GLT8D2: variants seen among roughly 807,000 people sequenced by gnomAD.
GLT8D2 encodes glycosyltransferase 8 domain-containing protein 2.
A neutral mutation model predicts 44.5 loss-of-function variants in GLT8D2; 45 were observed. That is an observed-to-expected ratio of 1.01 (90% CI 0.80 to 1.30). GLT8D2 has a LOEUF of 1.30. Among genes scored for constraint, GLT8D2 ranks in the 50% most tolerant of loss-of-function variants. The pLI is 0.00. For synonymous variants in GLT8D2, 156 were observed against 157.2 expected (o/e 0.99, Z 0.06); for missense variants, 400 against 430.4 (o/e 0.93, Z 0.62).
chr12:104,040,426 A>C (rs567871458), intron 1 of GLT8D2, among the ~76,000 whole-genome samples: 1 of 152,140 alleles, frequency 6.6e-6, no homozygotes, highest in Non-Finnish European at 1.5e-5. Flanking sequence ...ATTGAAAAAA[A>C]AATGTTTTTT....
rs1873918327 is a variant in GLT8D2 at position 103,999,460 on chromosome 12, G to A, written c.339C>T (p.Phe113=). 1 of 1,613,306 alleles carries A rather than the reference G, an allele frequency of 6.2e-7. No individual in the cohort carries two copies. Among genetic ancestry groups the A allele is most frequent in the Non-Finnish European group, 8.5e-7 (1 of 1,179,518 alleles). ...TCTTCCCTTTGAGGACCATCGGGTT[G>A]AATTCCACGATTTTAAAGTTTATTT... The part of the protein sequence containing the change: ...LREINFKIVE[F]NPMVLKGKIR... Residue 113 remains phenylalanine, a synonymous_variant, in exon 6 of 11, where the codon TTC becomes TTT. Coordinates refer to ENST00000360814, the MANE Select transcript of GLT8D2 (RefSeq NM_001384711.1).
At chr12:104,035,923 G>A (rs1879877705) in intron 1 of GLT8D2, among the ~76,000 whole-genome samples, 1 of 152,140 alleles carries the variant, frequency 6.6e-6, no homozygotes, top group Non-Finnish European at 1.5e-5. Flanking sequence ...CACAAAGAAA[G>A]GTCAGGTTAC....
At chr12:104,005,449 T>C (rs1874857865) in intron 4 of GLT8D2, among the ~76,000 whole-genome samples, 1 of 152,094 alleles carries the variant, frequency 6.6e-6, no homozygotes, top group Admixed American at 6.5e-5. Flanking sequence ...ACAGGCAACC[T>C]ACAGAATGGG....
intron 1 of GLT8D2, among the ~76,000 whole-genome samples, chr12:104,043,391 A>G (rs1393998878): frequency 6.6e-6 from 1 of 152,020 alleles, no homozygotes; most frequent in East Asian, 1.9e-4. Context: ...CGTGTCCAAA[A>G]CTGAGCTTCT....
intron 1 of GLT8D2, among the ~76,000 whole-genome samples, chr12:104,055,371 T>TG (rs1453824758): frequency 6.6e-6 from 1 of 152,164 alleles, no homozygotes; most frequent in Non-Finnish European, 1.5e-5. Context: ...AAAATATCCT[T>TG]GCATTATATG....
intron 1 of GLT8D2, among the ~76,000 whole-genome samples, chr12:104,047,025 T>G (rs1269781505): frequency 6.6e-6 from 1 of 152,046 alleles, no homozygotes; most frequent in Non-Finnish European, 1.5e-5. Context: ...GACAGAGTCT[T>G]GCTATGTTGC....
At chr12:104,038,876 G>A (rs557190341) in intron 1 of GLT8D2, among the ~76,000 whole-genome samples, 4 of 152,212 alleles carry the variant, frequency 2.6e-5, no homozygotes, top group East Asian at 1.9e-4. Context: ...GAGGCATCAC[G>A]CTACCTGACT....
intron 1 of GLT8D2, chr12:104,031,257 T>C (rs1428027568): frequency 3.6e-5 from 58 of 1,599,096 alleles, no homozygotes; most frequent in Non-Finnish European, 4.7e-5. Context: ...AAGGATACTA[T>C]TGCCAGAGCT....
chr12:104,017,754 T>C (rs1232669947), intron 3 of GLT8D2, among the ~76,000 whole-genome samples: 1 of 152,186 alleles, frequency 6.6e-6, no homozygotes, highest in East Asian at 1.9e-4. Flanking sequence ...GAAGAGGGTG[T>C]GAATTTGAAG....
At chr12:104,051,301 C>G (rs1881705497), upstream of GLT8D2, among the ~76,000 whole-genome samples, 1 of 151,930 alleles carries the variant, frequency 6.6e-6, no homozygotes, top group African/African-American at 2.4e-5. Flanking sequence ...TTAAAATTTT[C>G]TAGTAGCCAC....
At chr12:104,034,298 G>A (rs1464194516) in intron 1 of GLT8D2, among the ~76,000 whole-genome samples, 1 of 152,218 alleles carries the variant, frequency 6.6e-6, no homozygotes, top group Admixed American at 6.5e-5. Flanking sequence ...TTGGACAGTG[G>A]GTGCAGCCCA....
chr12:104,037,711 G>T (rs1023495916), intron 1 of GLT8D2, among the ~76,000 whole-genome samples: 2 of 152,108 alleles, frequency 1.3e-5, no homozygotes, highest in Non-Finnish European at 2.9e-5. Context: ...AATTCTACCA[G>T]AAGTACAAAA....
At chr12:104,044,024 G>C (rs7953572) in intron 1 of GLT8D2, among the ~76,000 whole-genome samples, 39,956 of 152,118 alleles carry the variant, frequency 0.26, 6,327 homozygotes, top group Non-Finnish European at 0.34. Context: ...GTCGCATTGT[G>C]CTGTGCTCTG....
chr12:104,007,816 A>G (rs1875280492), intron 4 of GLT8D2, among the ~76,000 whole-genome samples: 1 of 152,198 alleles, frequency 6.6e-6, no homozygotes, highest in Non-Finnish European at 1.5e-5. Flanking sequence ...AGATAATCTG[A>G]ATCATGGGGG....
At chr12:104,032,923 G>C (rs545452291) in intron 1 of GLT8D2, among the ~76,000 whole-genome samples, 1 of 147,098 alleles carries the variant, frequency 6.8e-6, no homozygotes, top group African/African-American at 2.5e-5. Context: ...ATCGTCACCT[G>C]GGCTGGAATG....
chr12:104,030,412 A>T (rs1879107141), intron 1 of GLT8D2, among the ~76,000 whole-genome samples: 1 of 151,996 alleles, frequency 6.6e-6, no homozygotes, highest in African/African-American at 2.4e-5. Flanking sequence ...ACATAATTAA[A>T]TGTGTAAGAT....
At chr12:104,012,239 A>G (rs1259792755) in intron 4 of GLT8D2, among the ~76,000 whole-genome samples, 2 of 150,836 alleles carry the variant, frequency 1.3e-5, no homozygotes, top group African/African-American at 4.9e-5. Context: ...TTTAAAAACC[A>G]AAATGGAATC....
intron 1 of GLT8D2, among the ~76,000 whole-genome samples, chr12:104,025,691 T>C (rs1402351292): frequency 9.2e-5 from 14 of 152,230 alleles, no homozygotes. Flanking sequence ...TCTTTTAGCA[T>C]ATGGTTATCC....
chr12:104,015,329 C>T (rs1052344900), intron 3 of GLT8D2, among the ~76,000 whole-genome samples: 2 of 151,698 alleles, frequency 1.3e-5, no homozygotes, highest in Non-Finnish European at 2.9e-5. Context: ...AGGTGGATCA[C>T]CTGAGCTCAG....
Sources: gnomAD v4.1 joint callset for allele counts (sites outside exome capture counted in the v4.1 genomes callset) on GRCh38, gnomAD v4.1.1 for gene constraint, MANE v1.5 for transcripts, NCBI Gene and HGNC (gene_info 2026-07-23, HGNC 2026-07-21) for gene names.